The following NELL2 variants were observed in gnomAD, a reference collection of about 807,000 sequenced individuals.
NELL2 encodes protein kinase C-binding protein NELL2.
Under a neutral mutation model 109.6 loss-of-function variants are expected in NELL2, and 41 were observed. That is an observed-to-expected ratio of 0.37 (90% CI 0.29 to 0.49). NELL2 has a LOEUF of 0.49. NELL2 is among the 20% of genes least tolerant of loss of function. The pLI is 0.98. For missense variants in NELL2, 900 were observed against 1,008.3 expected, an observed-to-expected ratio of 0.89 and a Z score of 1.45; for synonymous variants, 355 against 344.7, an observed-to-expected ratio of 1.03 and a Z score of -0.33.
chr12:44,563,955 C>T (rs1017729224), intron 15 of NELL2, among the ~76,000 whole-genome samples: 2 of 152,106 alleles, frequency 1.3e-5, no homozygotes, highest in African/African-American at 2.4e-5. Flanking sequence ...AAGTTTACTG[C>T]AGGTCAATAA....
chr12:44,849,466 T>A (rs533553178), intron 2 of NELL2, among the ~76,000 whole-genome samples: 1 of 152,112 alleles, frequency 6.6e-6, no homozygotes, highest in Non-Finnish European at 1.5e-5. Context: ...GAATGAAATA[T>A]CTCTTCATAC....
chr12:44,731,213 A>G (rs1939353433), intron 9 of NELL2, among the ~76,000 whole-genome samples: 1 of 152,106 alleles, frequency 6.6e-6, no homozygotes, highest in Admixed American at 6.5e-5. Flanking sequence ...CTCCCAAAAC[A>G]TTGAAGAAAA....
chr12:44,541,505 CAT>C (rs1942570233), intron 15 of NELL2, among the ~76,000 whole-genome samples: 1 of 151,814 alleles, frequency 6.6e-6, no homozygotes, highest in East Asian at 1.9e-4. Context: ...AAAAGTAAAA[CAT>C]ATAGAAAATA....
At chr12:44,749,842 C>A (rs948965045) in intron 9 of NELL2, among the ~76,000 whole-genome samples, 6 of 152,056 alleles carry the variant, frequency 3.9e-5, no homozygotes, top group African/African-American at 1.4e-4. Flanking sequence ...GTAAGAAGCA[C>A]TATCTTGTGC....
intron 12 of NELL2, among the ~76,000 whole-genome samples, chr12:44,671,615 C>A (rs1592306487): frequency 1.3e-5 from 2 of 151,964 alleles, no homozygotes; most frequent in Non-Finnish European, 2.9e-5. Context: ...TAGAAAGGAT[C>A]ATAAAAGACT....
At chr12:44,812,185 A>C (rs1943201086) in intron 3 of NELL2, among the ~76,000 whole-genome samples, 1 of 152,202 alleles carries the variant, frequency 6.6e-6, no homozygotes, top group African/African-American at 2.4e-5. Flanking sequence ...AGGCCTTCAT[A>C]TAGAAGGCTC....
chr12:44,888,960 C>T (rs1039680749), intron 1 of NELL2, among the ~76,000 whole-genome samples: 1 of 152,028 alleles, frequency 6.6e-6, no homozygotes, highest in Non-Finnish European at 1.5e-5. Context: ...CCTGTCCCTG[C>T]TTTCCTAAGC....
intron 11 of NELL2, among the ~76,000 whole-genome samples, chr12:44,704,508 T>C (rs1183239493): frequency 6.6e-6 from 1 of 152,190 alleles, no homozygotes; most frequent in Non-Finnish European, 1.5e-5. Context: ...TTATAAATAG[T>C]GACAGCAATC....
At chr12:44,608,363 A>C (rs1387943930) in intron 14 of NELL2, among the ~76,000 whole-genome samples, 1 of 152,038 alleles carries the variant, frequency 6.6e-6, no homozygotes, top group African/African-American at 2.4e-5. Context: ...TAAACCTCAT[A>C]AGTGATAAAG....
chr12:44,723,240 A>G (rs928739113), intron 9 of NELL2, among the ~76,000 whole-genome samples: 5 of 152,148 alleles, frequency 3.3e-5, no homozygotes, highest in Non-Finnish European at 5.9e-5. Context: ...GAGTTAAAAA[A>G]TTCTGAGGGT....
intron 13 of NELL2, among the ~76,000 whole-genome samples, chr12:44,638,680 T>G (rs1946737497): frequency 6.6e-6 from 1 of 152,170 alleles, no homozygotes; most frequent in Non-Finnish European, 1.5e-5. Context: ...ACCTCTAGCT[T>G]CACCCTAGGA....
At chr12:44,686,208 G>T (rs575796864) in intron 12 of NELL2, among the ~76,000 whole-genome samples, 1 of 151,936 alleles carries the variant, frequency 6.6e-6, no homozygotes, top group Non-Finnish European at 1.5e-5. Context: ...TGATCACATC[G>T]GCTCCTGAGG....
At chr12:44,916,391 TA>T (rs958249736), upstream of NELL2, among the ~76,000 whole-genome samples, 3 of 151,040 alleles carry the variant, frequency 2.0e-5, no homozygotes, top group Admixed American at 2.0e-4. Context: ...GAATCTAAGC[TA>T]AAAAAAATGG....
chr12:44,648,331 C>T (rs753198300), intron 13 of NELL2, among the ~76,000 whole-genome samples: 6 of 152,150 alleles, frequency 3.9e-5, no homozygotes, highest in Non-Finnish European at 7.3e-5. Flanking sequence ...ACCTTTAGTT[C>T]GCCCCAGGTT....
chr12:44,601,866 G>A lies in NELL2; in HGVS notation c.1663+5303C>T, dbSNP rs1945234515. Among the ~76,000 whole-genome samples, 2 of 152,076 alleles carry A rather than the reference G, an allele frequency of 1.3e-5. 1 individual carries two copies. Among genetic ancestry groups the A allele is most frequent in the South Asian group, 4.1e-4 (2 of 4,832 alleles). On this transcript the variant is annotated intron_variant, in intron 15 of 19. Coordinates refer to ENST00000429094, the MANE Select transcript of NELL2 (RefSeq NM_001145108.2). The stretch of plus-strand genomic sequence containing the variant: ...CATGAAAAGGGTCACATAGCTGGCT[G>A]GTAATAGAACTAGTTCTCAGGCCAA...
chr12:44,648,729 ATATTTTT>A (rs1275316882), intron 13 of NELL2, among the ~76,000 whole-genome samples: 80 of 100,748 alleles, frequency 7.9e-4, no homozygotes, highest in Admixed American at 3.2e-3. Flanking sequence ...ATATATATAT[ATATTTTT>A]TTTTTTTTTT....
intron 13 of NELL2, among the ~76,000 whole-genome samples, chr12:44,640,989 C>A (rs966177098): frequency 2.6e-5 from 4 of 152,102 alleles, no homozygotes; most frequent in African/African-American, 9.7e-5. Context: ...CAGATCCTAT[C>A]CAGAATTCTT....
chr12:44,791,617 T>C (rs917448094), intron 3 of NELL2, among the ~76,000 whole-genome samples: 2 of 146,616 alleles, frequency 1.4e-5, no homozygotes, highest in African/African-American at 5.2e-5. Flanking sequence ...AATTTGCTGA[T>C]ATGGAGTTTT....
chr12:44,522,590 T>C (rs373761504), intron 17 of NELL2, among the ~76,000 whole-genome samples: 26 of 152,298 alleles, frequency 1.7e-4, no homozygotes, highest in African/African-American at 5.5e-4. Flanking sequence ...ATTACTAAAT[T>C]TCTGGAGTAT....
Sources: gnomAD v4.1 joint callset for allele counts (sites outside exome capture counted in the v4.1 genomes callset) on GRCh38, gnomAD v4.1.1 for gene constraint, MANE v1.5 for transcripts, NCBI Gene and HGNC (gene_info 2026-07-23, HGNC 2026-07-21) for gene names.